ZNHIT6: variants seen among roughly 807,000 people sequenced by gnomAD.
ZNHIT6 encodes the protein zinc finger HIT-type containing 6.
In ZNHIT6, 45 loss-of-function variants were observed where a neutral mutation model predicts 57.2. The observed-to-expected ratio is 0.79, with a 90% CI of 0.62 to 1.01. ZNHIT6 has a LOEUF of 1.01. Ranked by LOEUF, ZNHIT6 falls within the 50% of genes least tolerant of loss-of-function variation. The probability of loss-of-function intolerance (pLI) is 0.00; values close to 1 mark genes in which losing one functional copy is unlikely to be tolerated. For missense variants in ZNHIT6, 528 were observed against 567.3 expected, an observed-to-expected ratio of 0.93 and a Z score of 0.70; for synonymous variants, 188 against 190.0, an observed-to-expected ratio of 0.99 and a Z score of 0.09.
At chr1:85,703,829 A>C (rs951840660) in intron 4 of ZNHIT6, among the ~76,000 whole-genome samples, 4 of 152,206 alleles carry the variant, frequency 2.6e-5, no homozygotes, top group Non-Finnish European at 5.9e-5. Context: ...GACACTATAA[A>C]ATGAAAAGAC....
Position 85,677,273 on chromosome 1 carries a change from A to G in ZNHIT6, c.1210T>C (p.Leu404=), listed in dbSNP as rs753958752. ...YIRSQTGVQI[L]MKIEYMQQNL... ...TGCTGCATATATTCAATCTTCATTA[A>G]AATCTGAACCCCAGTCTGAGAGCGA... The change falls in exon 8 of 10, where the codon TTA becomes CTA. Residue 404 remains leucine, a synonymous_variant. Transcript: ENST00000370574. 1 of 1,609,378 alleles carries G rather than the reference A, an allele frequency of 6.2e-7. No individual in the cohort carries two copies. Among genetic ancestry groups the G allele is most frequent in the East Asian group, 2.2e-5 (1 of 44,676 alleles).
intron 8 of ZNHIT6, among the ~76,000 whole-genome samples, chr1:85,660,738 A>G (rs1661200639): frequency 6.6e-6 from 1 of 152,168 alleles, no homozygotes; most frequent in Non-Finnish European, 1.5e-5. Flanking sequence ...AACTGTAATG[A>G]TTATACTTAA....
At chr1:85,671,020 T>A (rs919765664) in intron 8 of ZNHIT6, among the ~76,000 whole-genome samples, 26 of 152,194 alleles carry the variant, frequency 1.7e-4, no homozygotes, top group African/African-American at 6.3e-4. Context: ...TCTAGACATG[T>A]TGAGCTTAAG....
intron 5 of ZNHIT6, among the ~76,000 whole-genome samples, chr1:85,685,508 G>A (rs928345386): frequency 1.1e-5 from 1 of 88,368 alleles, no homozygotes; most frequent in Non-Finnish European, 2.9e-5. Context: ...ATTATAAAAG[G>A]ACTTGACTTA....
rs1002538472 is a variant in ZNHIT6 at position 85,651,814 on chromosome 1, T to G, written c.*2244A>C. On this transcript the variant is annotated 3_prime_UTR_variant, in exon 10 of 10. Coordinates refer to ENST00000370574, the MANE Select transcript of ZNHIT6 (RefSeq NM_017953.4). Reference sequence around the variant, plus strand: ...AGGGCCTCCAAAAAGATATTGGGTCTCAATGCTACAAACATCTAGGGTTTT... The same window carrying G: ...AGGGCCTCCAAAAAGATATTGGGTCGCAATGCTACAAACATCTAGGGTTTT... 6.6e-6 allele frequency: 1 copy of G among 152,180 alleles called. No homozygotes were observed. Among genetic ancestry groups the G allele is most frequent in the African/African-American group, 2.4e-5 (1 of 41,440 alleles). The allele number at this position is 152,180 out of a possible 1,614,324, so 9.4% of individuals were successfully genotyped here. A position where few individuals can be genotyped will look rare whatever the true frequency, so the allele number is the denominator to read the frequency against.
chr1:85,704,378 TAAAAAAATGCGTAA>T (rs1021429382), intron 4 of ZNHIT6, among the ~76,000 whole-genome samples: 2 of 151,802 alleles, frequency 1.3e-5, no homozygotes, highest in Non-Finnish European at 2.9e-5. Flanking sequence ...CAAAATCCAT[TAAAAAAATGCGTAA>T]ACAAATTGTG....
At chr1:85,677,377 G>A (rs1661733826) in intron 7 of ZNHIT6, 64 bp from the exon 8 acceptor site, 1 of 1,328,244 alleles carries the variant, frequency 7.5e-7, no homozygotes, top group African/African-American at 1.5e-5. Context: ...ATAGTCTTAT[G>A]GAGACTAAGC....
chr1:85,654,485 T>C (rs1375504704), intron 9 of ZNHIT6, among the ~76,000 whole-genome samples: 1 of 152,024 alleles, frequency 6.6e-6, no homozygotes, highest in Non-Finnish European at 1.5e-5. Context: ...ATATGTTGAG[T>C]GAATGTGGAG....
chr1:85,665,946 A>G (rs1279654541), intron 8 of ZNHIT6, among the ~76,000 whole-genome samples: 1 of 152,192 alleles, frequency 6.6e-6, no homozygotes, highest in Non-Finnish European at 1.5e-5. Context: ...TGAGAAGTTA[A>G]GTATCTTACT....
rs1662746501 is a variant in ZNHIT6, at chr1:85,708,125, T to A, written c.160A>T (p.Ile54Leu). The change falls in exon 1 of 10, where the codon ATA becomes TTA. Residue 54 changes from isoleucine to leucine, a missense_variant. Physicochemically the swap from Ile to Leu is conservative, Grantham distance 5. Coordinates refer to ENST00000370574, the MANE Select transcript of ZNHIT6 (RefSeq NM_017953.4). ...TCCTCTCCATCCCCTATCTCCTTTA[T>A]CCCTGTCAGCCCTGTCCCCTCCTCT... is the stretch of plus-strand genomic sequence containing the variant. ...GGEEGTGLTG[I>L]KEIGDGEEGS... 6.2e-7 allele frequency: 1 copy of A among 1,614,100 alleles called. No homozygotes were observed. The highest frequency in any genetic ancestry group is 8.5e-7 in the Non-Finnish European group (1 of 1,180,034).
intron 5 of ZNHIT6, among the ~76,000 whole-genome samples, chr1:85,694,848 G>C (rs1662321406): frequency 6.6e-6 from 1 of 152,160 alleles, no homozygotes; most frequent in Non-Finnish European, 1.5e-5. Context: ...TAGGAAACTT[G>C]GGAGGAGGTG....
At chr1:85,664,150 G>C (rs1243221574) in intron 8 of ZNHIT6, among the ~76,000 whole-genome samples, 1 of 152,170 alleles carries the variant, frequency 6.6e-6, no homozygotes, top group African/African-American at 2.4e-5. Flanking sequence ...TGTTTTCCAA[G>C]TTGTTTGCTT....
intron 9 of ZNHIT6, among the ~76,000 whole-genome samples, chr1:85,655,814 A>G (rs1661044146): frequency 6.6e-6 from 1 of 152,140 alleles, no homozygotes; most frequent in Admixed American, 6.6e-5. Flanking sequence ...CTTTTCCATT[A>G]CTGAAAAGCA....
Position 85,703,359 on chromosome 1 carries a change from A to C in ZNHIT6, c.916-1099T>G, listed in dbSNP as rs182606923. Among the ~76,000 whole-genome samples the C allele has an allele frequency of 3.5e-3, 533 of 152,296 alleles. 1 individual carries two copies. Among genetic ancestry groups the C allele is most frequent in the Non-Finnish European group, 6.2e-3 (423 of 68,018 alleles). Reference sequence around the variant, plus strand: ...ACTGAATAGCCATACTCTAGAAAAAAAGTGGGAGGACTTAATCAGATAACA... The same window carrying C: ...ACTGAATAGCCATACTCTAGAAAAACAGTGGGAGGACTTAATCAGATAACA... On this transcript the variant is annotated intron_variant, in intron 4 of 9. Transcript: ENST00000370574.
chr1:85,708,411 G>C lies in ZNHIT6; in HGVS notation c.-127C>G. 8.2e-7 allele frequency: 1 copy of C among 1,213,616 alleles called. No homozygotes were observed. Among genetic ancestry groups the C allele is most frequent in the Middle Eastern group, 2.1e-4 (1 of 4,808 alleles). 75.2% of individuals were successfully genotyped at this position (1,213,616 alleles called of 1,614,324 possible). A position where few individuals can be genotyped will look rare whatever the true frequency, so the allele number is the denominator to read the frequency against. ...TGTGGAGCCAAGCAGCCACAAACCC[G>C]GAATAGCCTGCTTGACGCGACTGCT... is the stretch of plus-strand genomic sequence containing the variant. On this transcript the variant is annotated 5_prime_UTR_variant, in exon 1 of 10. Transcript: ENST00000370574.
chr1:85,683,596 G>T (rs1661941552), intron 5 of ZNHIT6, among the ~76,000 whole-genome samples: 1 of 151,370 alleles, frequency 6.6e-6, no homozygotes, highest in South Asian at 2.1e-4. Flanking sequence ...CTTCAGTATT[G>T]CTGAAATTAC....
rs1662736770 is a variant in ZNHIT6, at chr1:85,707,877, CTCT to C, written c.405_407del (p.Glu136del). On this transcript the variant is annotated inframe_deletion, in exon 1 of 10. Transcript: ENST00000370574. ...CTTCCTTTACCTTCTCTTCCTTTACCTCTGGTTCACCCACCTTCGCTTCTTTTA... is the reference window on the plus strand; with the variant it reads ...CTTCCTTTACCTTCTCTTCCTTTACCGGTTCACCCACCTTCGCTTCTTTTA... The C allele has an allele frequency of 6.2e-7, 1 of 1,614,010 alleles. No individual in the cohort carries two copies. The highest frequency in any genetic ancestry group is 1.3e-5 in the African/African-American group (1 of 74,956).
At position 85,684,280 on chromosome 1, in the gene ZNHIT6, A is replaced by G. The variant is rs1661962979; in HGVS notation, c.1020-3376T>C. ...TGGACAATCTGACAAAGCAACAGAAACACTAACCTCTTCTGAGTCCTATGA... is the reference window on the plus strand; with the variant it reads ...TGGACAATCTGACAAAGCAACAGAAGCACTAACCTCTTCTGAGTCCTATGA... On this transcript the variant is annotated intron_variant, in intron 5 of 9. Transcript: ENST00000370574. Among the ~76,000 whole-genome samples, 3 of 152,194 alleles carry G rather than the reference A, an allele frequency of 2.0e-5. No homozygotes were observed. The South Asian group carries it at 6.2e-4, about 31-fold the overall frequency.
intron 8 of ZNHIT6, among the ~76,000 whole-genome samples, chr1:85,666,175 G>A (rs1661366813): frequency 6.6e-6 from 1 of 152,180 alleles, no homozygotes. Context: ...AAGTATATGT[G>A]TAAGGTAAAG....
Sources: allele counts gnomAD v4.1 joint callset (sites outside exome capture counted in the v4.1 genomes callset), GRCh38; gene constraint gnomAD v4.1.1; transcripts MANE v1.5; gene names NCBI Gene and HGNC (gene_info 2026-07-23, HGNC 2026-07-21).